Variants in PACS2 observed in about 807,000 individuals in gnomAD.
The protein encoded by PACS2 is PACS1-like protein.
PACS2 carries 36 observed loss-of-function variants against 113.0 expected under a neutral mutation model. That is an observed-to-expected ratio of 0.32 (90% confidence interval 0.24 to 0.42). The LOEUF is 0.42. Among genes scored for constraint, PACS2 ranks in the 10% least tolerant of loss-of-function variants. The pLI is 1.00. For missense variants in PACS2, 1,015 were observed against 1,239.5 expected (o/e 0.82, Z 2.72); for synonymous variants, 589 against 536.1 (o/e 1.10, Z -1.36).
chr14:105,309,137 G>T lies in PACS2; in HGVS notation c.-83+8158G>T, dbSNP rs951921451. 3.3e-5 allele frequency among the ~76,000 whole-genome samples: 5 copies of T among 152,046 alleles called. No individual in the cohort carries two copies. The highest frequency in any genetic ancestry group is 1.2e-4 in the African/African-American group (5 of 41,384). ...TGGCTGATTTCTGTATTAGGGCCTG[G>T]GTGTTTTCCTTTCTTTTCTAATATT... On this transcript the variant is annotated intron_variant, in intron 1 of 23. Coordinates refer to the PACS2 transcript ENST00000430725. This position sits in a 1 kb window ranked among gnomAD's most constrained non-coding sequence, Gnocchi z 4.0.
chr14:105,394,407 T>A, intron 24 of PACS2, 147 bp from the exon 25 acceptor site: 1 of 1,457,272 alleles, frequency 6.9e-7, no homozygotes, highest in Non-Finnish European at 9.1e-7. Context: ...CCCGAGTCCC[T>A]GAGGAAAGTG....
chr14:105,387,713 A>G (rs1236678772), intron 19 of PACS2, among the ~76,000 whole-genome samples: 22 of 152,142 alleles, frequency 1.4e-4, no homozygotes, highest in Non-Finnish European at 5.9e-5. Context: ...TTCGGCCCTC[A>G]TCTGCCACGC....
At chr14:105,310,663 C>T (rs587643239), upstream of PACS2, among the ~76,000 whole-genome samples, 32 of 151,932 alleles carry the variant, frequency 2.1e-4, no homozygotes, top group African/African-American at 7.5e-4. Context: ...CAGGACGGGG[C>T]GCAGCCCCAG....
intron 18 of PACS2, among the ~76,000 whole-genome samples, chr14:105,385,355 C>CT (rs1281388894): frequency 6.6e-6 from 1 of 152,234 alleles, no homozygotes; most frequent in Non-Finnish European, 1.5e-5. Context: ...GAAGGATTCC[C>CT]TGGGCCTCGG....
At chr14:105,332,169 C>G (rs2059327417) in intron 1 of PACS2, among the ~76,000 whole-genome samples, 1 of 152,270 alleles carries the variant, frequency 6.6e-6, no homozygotes, top group Non-Finnish European at 1.5e-5. Flanking sequence ...CATTGCATCT[C>G]CTTCCTTGGG....
At chr14:105,349,897 C>T (rs782500676) in intron 2 of PACS2, among the ~76,000 whole-genome samples, 22 of 142,124 alleles carry the variant, frequency 1.5e-4, no homozygotes, top group African/African-American at 5.9e-4. Flanking sequence ...AGCAGGACCC[C>T]GAGAACTTCC....
At position 105,330,328 on chromosome 14, in the gene PACS2, C is replaced by T. The variant is rs1329500154; in HGVS notation, c.119+15291C>T. On this transcript the variant is annotated intron_variant, in intron 1 of 24. Transcript: ENST00000447393. The surrounding 1 kb of genome is among the most constrained non-coding windows in gnomAD (Gnocchi z 6.9). ...CCTGGGGTCCGTGTGTGGGAAGGAA[C>T]GGGGACAGGAGCCTCCAAGAAGCCT... Among the ~76,000 whole-genome samples, 2 of 132,680 alleles carry T rather than the reference C, an allele frequency of 1.5e-5. No homozygotes were observed. The highest frequency in any genetic ancestry group is 3.0e-5 in the African/African-American group (1 of 33,778). The allele number at this position is 132,680 out of a possible 152,430, so 87.0% of individuals were successfully genotyped here. A position where few individuals can be genotyped will look rare whatever the true frequency, so the allele number is the denominator to read the frequency against.
upstream of PACS2, among the ~76,000 whole-genome samples, chr14:105,312,926 G>C (rs1367414402): frequency 6.6e-6 from 1 of 152,128 alleles, no homozygotes; most frequent in Non-Finnish European, 1.5e-5. Flanking sequence ...AGACTGTGTG[G>C]GTCATATCCC....
intron 4 of PACS2, among the ~76,000 whole-genome samples, chr14:105,364,327 C>A (rs186313751): frequency 1.8e-5 from 2 of 108,852 alleles, no homozygotes; most frequent in East Asian, 4.7e-4. Context: ...GCGCGGTGGG[C>A]GGCGGCCCGG....
intron 2 of PACS2, 138 bp from the exon 3 acceptor site, chr14:105,352,240 C>A: frequency 1.5e-6 from 1 of 666,366 alleles, no homozygotes; most frequent in Non-Finnish European, 2.7e-6. Flanking sequence ...CTGAGAATTA[C>A]CCCAGCCTGT....
chr14:105,328,492 A>G (rs186320260), intron 1 of PACS2, among the ~76,000 whole-genome samples: 1 of 152,358 alleles, frequency 6.6e-6, no homozygotes, highest in East Asian at 1.9e-4. Flanking sequence ...GAATGGCCAT[A>G]GAGAACAGGG....
chr14:105,338,516 A>T (rs1555401022), intron 1 of PACS2, among the ~76,000 whole-genome samples: 1 of 152,104 alleles, frequency 6.6e-6, no homozygotes, highest in Non-Finnish European at 1.5e-5. Flanking sequence ...CGCTCACCCC[A>T]GGTCCCTGGG....
chr14:105,369,368 G>T (rs1555408759), intron 7 of PACS2, among the ~76,000 whole-genome samples: 1 of 152,212 alleles, frequency 6.6e-6, no homozygotes, highest in Non-Finnish European at 1.5e-5. Context: ...CCGAGAGGGT[G>T]GCTGAGGGTC....
chr14:105,344,449 T>A (rs6576083), intron 1 of PACS2, among the ~76,000 whole-genome samples: 2 of 152,136 alleles, frequency 1.3e-5, no homozygotes, highest in African/African-American at 4.8e-5. Flanking sequence ...TATTTAATAG[T>A]TGTAGGACTA....
At chr14:105,326,225 C>G (rs887978047) in intron 1 of PACS2, among the ~76,000 whole-genome samples, 12 of 152,052 alleles carry the variant, frequency 7.9e-5, no homozygotes. Flanking sequence ...CGGGGGCTCC[C>G]CCGCAGCAGT....
chr14:105,394,649 G>C lies in PACS2; in HGVS notation c.2692G>C (p.Gly898Arg), dbSNP rs368316410. 32 of 1,612,840 alleles carry C rather than the reference G, an allele frequency of 2.0e-5. No homozygotes were observed. The highest frequency in any genetic ancestry group is 1.6e-4 in the Middle Eastern group (1 of 6,082). ...HVKHFPICIF[G>R]HSKATF Reference sequence around the variant, plus strand: ...GAAGCACTTCCCCATCTGCATCTTCGGACACTCCAAGGCCACCTTCTAGCC... The same window carrying C: ...GAAGCACTTCCCCATCTGCATCTTCCGACACTCCAAGGCCACCTTCTAGCC... The change falls in exon 25 of 25, where the codon GGA (glycine) becomes CGA (arginine). Residue 898 changes from glycine (G) to arginine (R), a missense_variant. Coordinates refer to ENST00000447393, the MANE Select transcript of PACS2 (RefSeq NM_001100913.3).
At chr14:105,312,082 A>AG, upstream of PACS2, among the ~76,000 whole-genome samples, 1 of 152,350 alleles carries the variant, frequency 6.6e-6, no homozygotes, top group East Asian at 1.9e-4. Context: ...CGACTTCAGC[A>AG]GGGCCTGCTG....
chr14:105,382,164 C>T, intron 13 of PACS2, 106 bp downstream of exon 13: 1 of 1,264,876 alleles, frequency 7.9e-7, no homozygotes, highest in Non-Finnish European at 1.1e-6. Context: ...GGGTGCTGGG[C>T]CACAGAGCAT....
At chr14:105,343,572 A>T (rs1473598348) in intron 1 of PACS2, among the ~76,000 whole-genome samples, 1 of 152,064 alleles carries the variant, frequency 6.6e-6, no homozygotes, top group African/African-American at 2.4e-5. Flanking sequence ...TAATAGGTGT[A>T]GTTGGTATCT....
Sources: gnomAD v4.1 joint callset for allele counts (sites outside exome capture counted in the v4.1 genomes callset) on GRCh38, gnomAD v4.1.1 for gene constraint, Gnocchi (gnomAD v3.1) non-coding constraint, MANE v1.5 for transcripts, NCBI Gene and HGNC (gene_info 2026-07-23, HGNC 2026-07-21) for gene names.